Variants in KCNN3 observed in about 807,000 individuals in gnomAD.
The protein encoded by KCNN3 is potassium calcium-activated channel subfamily N member 3.
KCNN3 carries 16 observed loss-of-function variants against 62.9 expected under a neutral mutation model. That is an observed-to-expected ratio of 0.25 (90% confidence interval 0.17 to 0.39). The LOEUF is 0.39. Ranked by LOEUF, KCNN3 falls within the 10% of genes least tolerant of loss-of-function variation. The pLI is 1.00. For missense variants in KCNN3, 599 were observed against 949.4 expected (o/e 0.63, Z 4.85); for synonymous variants, 370 against 389.2 (o/e 0.95, Z 0.58).
chr1:154,731,743 C>T (rs541600368), intron 4 of KCNN3, among the ~76,000 whole-genome samples: 7 of 151,978 alleles, frequency 4.6e-5, no homozygotes, highest in South Asian at 2.1e-4. Context: ...GGGCTGTGGA[C>T]GGGGGGCTGT....
At chr1:154,751,904 T>C (rs1027209904) in intron 3 of KCNN3, among the ~76,000 whole-genome samples, 2 of 152,008 alleles carry the variant, frequency 1.3e-5, no homozygotes, top group African/African-American at 2.4e-5. Flanking sequence ...AGGAGAAGCA[T>C]CGAGAGGGAA....
At chr1:154,738,726 G>C (rs760238420) in intron 3 of KCNN3, among the ~76,000 whole-genome samples, 5 of 152,224 alleles carry the variant, frequency 3.3e-5, no homozygotes, top group Non-Finnish European at 4.4e-5. Flanking sequence ...AAGAGGTTTA[G>C]ACAACTGCCA....
In KCNN3 at chr1:154,719,804, G is replaced by A. The variant is rs188624598; in HGVS notation, c.1702-4801C>T. On this transcript the variant is annotated intron_variant, in intron 5 of 7. Coordinates refer to ENST00000271915, the MANE Select transcript of KCNN3 (RefSeq NM_002249.6). ...TGCCCTCTCTTTCATCACCCTGCTT[G>A]CACCTCCTCTTTTTCCTCCCCCTGT... Among the ~76,000 whole-genome samples, 5 of 152,108 alleles carry A rather than the reference G, an allele frequency of 3.3e-5. 1 individual carries two copies. The highest frequency in any genetic ancestry group is 1.2e-4 in the African/African-American group (5 of 41,472).
At chr1:154,740,791 C>A (rs571856653) in intron 3 of KCNN3, among the ~76,000 whole-genome samples, 1 of 152,176 alleles carries the variant, frequency 6.6e-6, no homozygotes, top group Non-Finnish European at 1.5e-5. Flanking sequence ...TCTTCTGTGG[C>A]GTGTCATTCA....
In KCNN3 at chr1:154,702,704, T is replaced by C. The variant is rs1458865536; in HGVS notation, c.*5272A>G. On this transcript the variant is annotated 3_prime_UTR_variant, in exon 8 of 8. Transcript: ENST00000271915. ...TGGCTGCTTCGATCTGATTCAGATA[T>C]ATATATATATATATATATATATATA... 1 of 5,074 alleles carries C rather than the reference T, an allele frequency of 2.0e-4. No homozygotes were observed. Among genetic ancestry groups the C allele is most frequent in the Non-Finnish European group, 3.5e-4 (1 of 2,880 alleles). The allele number at this position is 5,074 out of a possible 1,614,324, so 0.3% of individuals were successfully genotyped here. A position where few individuals can be genotyped will look rare whatever the true frequency, so the allele number is the denominator to read the frequency against.
intron 3 of KCNN3, among the ~76,000 whole-genome samples, chr1:154,759,245 C>T (rs988563706): frequency 3.9e-5 from 6 of 152,334 alleles, no homozygotes; most frequent in South Asian, 2.1e-4. Context: ...TGAAGAGCTG[C>T]GCTCCTGAGA....
chr1:154,778,456 C>G (rs944705910), intron 2 of KCNN3, among the ~76,000 whole-genome samples: 1 of 152,126 alleles, frequency 6.6e-6, no homozygotes, highest in African/African-American at 2.4e-5. Context: ...GCTTCAGCAG[C>G]GCCCGGAAGG....
At chr1:154,755,346 G>A (rs1328845517) in intron 3 of KCNN3, among the ~76,000 whole-genome samples, 1 of 151,752 alleles carries the variant, frequency 6.6e-6, no homozygotes, top group Non-Finnish European at 1.5e-5. Flanking sequence ...GCTTATGCCT[G>A]TAGTCCCAGC....
chr1:154,787,559 C>G (rs781086097), intron 2 of KCNN3, among the ~76,000 whole-genome samples: 1 of 152,168 alleles, frequency 6.6e-6, no homozygotes, highest in Non-Finnish European at 1.5e-5. Flanking sequence ...ATGGAGAGGG[C>G]CAGTTTGGTG....
chr1:154,754,670 A>C (rs1647546717), intron 3 of KCNN3, among the ~76,000 whole-genome samples: 1 of 152,214 alleles, frequency 6.6e-6, no homozygotes, highest in South Asian at 2.1e-4. Context: ...GGAAGAAGCC[A>C]CGTACCAACG....
chr1:154,796,208 G>A (rs1230242096), intron 2 of KCNN3, among the ~76,000 whole-genome samples: 1 of 152,228 alleles, frequency 6.6e-6, no homozygotes, highest in Non-Finnish European at 1.5e-5. Context: ...ACACTCAGCA[G>A]TGACGGAGAA....
chr1:154,751,813 T>A (rs1647391424), intron 3 of KCNN3, among the ~76,000 whole-genome samples: 1 of 152,076 alleles, frequency 6.6e-6, no homozygotes, highest in African/African-American at 2.4e-5. Context: ...GCAACAAAAA[T>A]GCTGCCTGAA....
intron 4 of KCNN3, among the ~76,000 whole-genome samples, chr1:154,732,509 C>G (rs901585235): frequency 6.6e-6 from 1 of 152,226 alleles, no homozygotes; most frequent in Admixed American, 6.5e-5. Flanking sequence ...GTGGACAGCC[C>G]CGTCCAGGAC....
intron 4 of KCNN3, among the ~76,000 whole-genome samples, chr1:154,730,851 A>G (rs929624454): frequency 2.0e-5 from 3 of 152,200 alleles, no homozygotes; most frequent in African/African-American, 7.2e-5. Context: ...CTGGGGGAGC[A>G]CTGCACACCC....
At chr1:154,832,055 C>G (rs1302211757) in intron 1 of KCNN3, among the ~76,000 whole-genome samples, 1 of 152,158 alleles carries the variant, frequency 6.6e-6, no homozygotes, top group South Asian at 2.1e-4. Flanking sequence ...GGCAGCCCGG[C>G]CCACCCTGCT....
intron 2 of KCNN3, among the ~76,000 whole-genome samples, chr1:154,818,870 C>T (rs1055262621): frequency 3.9e-5 from 6 of 152,246 alleles, no homozygotes; most frequent in African/African-American, 1.2e-4. Context: ...AAGGTACTCC[C>T]CCAGCCTCAC....
At chr1:154,741,531 G>A (rs774125563) in intron 3 of KCNN3, among the ~76,000 whole-genome samples, 42 of 152,120 alleles carry the variant, frequency 2.8e-4, no homozygotes, top group Non-Finnish European at 3.4e-4. Context: ...CTTTGTCAAG[G>A]TGGCTGCCAA....
intron 1 of KCNN3, among the ~76,000 whole-genome samples, chr1:154,848,554 C>G (rs1482068851): frequency 6.6e-6 from 1 of 152,164 alleles, no homozygotes; most frequent in Non-Finnish European, 1.5e-5. Flanking sequence ...GAAGCCCCCA[C>G]TACTCCACCA....
intron 2 of KCNN3, among the ~76,000 whole-genome samples, chr1:154,793,962 C>T (rs1424540137): frequency 6.6e-6 from 1 of 152,190 alleles, no homozygotes; most frequent in Non-Finnish European, 1.5e-5. Flanking sequence ...ATGCATCCAG[C>T]CCTCGAATGT....
Sources: gnomAD v4.1 joint callset for allele counts (sites outside exome capture counted in the v4.1 genomes callset) on GRCh38, gnomAD v4.1.1 for gene constraint, MANE v1.5 for transcripts, NCBI Gene and HGNC (gene_info 2026-07-23, HGNC 2026-07-21) for gene names.